TECRL: variants seen among roughly 807,000 people sequenced by gnomAD.
TECRL encodes the protein trans-2,3-enoyl-CoA reductase like.
In TECRL, 63 loss-of-function variants were observed where a neutral mutation model predicts 52.8. That is an observed-to-expected ratio of 1.19 (90% confidence interval 0.97 to 1.47). The LOEUF (loss-of-function observed/expected upper bound fraction) is 1.47, where lower values mean the gene tolerates loss of function less well. Among genes scored for constraint, TECRL ranks in the 40% most tolerant of loss-of-function variants. The pLI, the probability that TECRL is intolerant of heterozygous loss-of-function variation, is 0.00. For missense variants in TECRL, 482 were observed against 429.6 expected (o/e 1.12, Z -1.08); for synonymous variants, 164 against 141.9 (o/e 1.16, Z -1.10).
chr4:64,323,201 C>T (rs1718026437), intron 3 of TECRL, among the ~76,000 whole-genome samples: 1 of 151,786 alleles, frequency 6.6e-6, no homozygotes, highest in Non-Finnish European at 1.5e-5. Context: ...GGAGTTCCAT[C>T]TTGGTGACAT....
chr4:64,405,397 G>A (rs1420779350), intron 1 of TECRL, among the ~76,000 whole-genome samples: 1 of 152,106 alleles, frequency 6.6e-6, no homozygotes, highest in East Asian at 1.9e-4. Context: ...AAGATGGATT[G>A]TATGTGAGGT....
chr4:64,310,162 G>A (rs1341955714), intron 5 of TECRL, among the ~76,000 whole-genome samples: 2 of 152,106 alleles, frequency 1.3e-5, no homozygotes, highest in Non-Finnish European at 2.9e-5. Context: ...GATGACATTA[G>A]AAATATTTTA....
intron 9 of TECRL, among the ~76,000 whole-genome samples, chr4:64,283,533 C>T (rs4860587): frequency 0.97 from 147,130 of 152,102 alleles, 71,183 homozygotes; most frequent in East Asian, 1. Flanking sequence ...AATATTCTAT[C>T]TGGTCTAATA....
chr4:64,292,024 C>A (rs138886856), intron 8 of TECRL, among the ~76,000 whole-genome samples: 1 of 152,002 alleles, frequency 6.6e-6, no homozygotes, highest in African/African-American at 2.4e-5. Flanking sequence ...GCTTTTACAC[C>A]TTCAGGTGAA....
chr4:64,371,171 A>G (rs1721948011), intron 2 of TECRL, among the ~76,000 whole-genome samples: 1 of 151,594 alleles, frequency 6.6e-6, no homozygotes, highest in Non-Finnish European at 1.5e-5. Flanking sequence ...GTGAAAACAA[A>G]GCACTTTTAA....
chr4:64,312,946 T>C (rs1650398013), intron 5 of TECRL, among the ~76,000 whole-genome samples: 1 of 152,178 alleles, frequency 6.6e-6, no homozygotes, highest in Non-Finnish European at 1.5e-5. Flanking sequence ...TGGTCATTCC[T>C]TTCACTTACG....
intron 8 of TECRL, among the ~76,000 whole-genome samples, chr4:64,292,508 C>G (rs1165498486): frequency 6.6e-6 from 1 of 151,848 alleles, no homozygotes; most frequent in East Asian, 1.9e-4. Flanking sequence ...AGAAATAGTA[C>G]TTGAACACTA....
intron 2 of TECRL, among the ~76,000 whole-genome samples, chr4:64,338,191 C>T (rs1480695151): frequency 6.6e-6 from 1 of 152,134 alleles, no homozygotes; most frequent in Non-Finnish European, 1.5e-5. Flanking sequence ...AAAGGATTCC[C>T]TATTTAACAA....
At chr4:64,363,013 T>TG (rs1211359374) in intron 2 of TECRL, among the ~76,000 whole-genome samples, 3,196 of 141,568 alleles carry the variant, frequency 0.023, 111 homozygotes, top group African/African-American at 0.075. Flanking sequence ...ATCAGGCACA[T>TG]AAAAAAAAAA....
At position 64,279,855 on chromosome 4, in the gene TECRL, T is replaced by C; in HGVS notation, c.*217A>G. On this transcript the variant is annotated 3_prime_UTR_variant, in exon 12 of 12. Coordinates refer to ENST00000381210, the MANE Select transcript of TECRL (RefSeq NM_001010874.5). ...CAAGGACCAATCCCATGCAAATACATTCAGAGCTGTTCTTAGTTAATTGCA... is the reference window on the plus strand; with the variant it reads ...CAAGGACCAATCCCATGCAAATACACTCAGAGCTGTTCTTAGTTAATTGCA... 1 of 1,084,642 alleles carries C rather than the reference T, an allele frequency of 9.2e-7. No homozygotes were observed. Among genetic ancestry groups the C allele is most frequent in the Non-Finnish European group, 1.1e-6 (1 of 894,532 alleles). The allele number at this position is 1,084,642 out of a possible 1,614,324, so 67.2% of individuals were successfully genotyped here. A position where few individuals can be genotyped will look rare whatever the true frequency, so the allele number is the denominator to read the frequency against.
At chr4:64,305,574 T>C (rs1176035682) in intron 6 of TECRL, among the ~76,000 whole-genome samples, 1 of 152,122 alleles carries the variant, frequency 6.6e-6, no homozygotes, top group East Asian at 1.9e-4. Flanking sequence ...AAGAATTTCT[T>C]GTTATACCAA....
At chr4:64,292,874 T>G (rs1459699659) in intron 8 of TECRL, among the ~76,000 whole-genome samples, 1 of 152,044 alleles carries the variant, frequency 6.6e-6, no homozygotes, top group African/African-American at 2.4e-5. Flanking sequence ...CCATAATTAG[T>G]AAAAAATCCA....
chr4:64,322,605 G>C, intron 4 of TECRL, 84 bp downstream of exon 4: 2 of 950,232 alleles, frequency 2.1e-6, no homozygotes. Flanking sequence ...TTCGCTATGA[G>C]TTTATTTGAT....
intron 6 of TECRL, among the ~76,000 whole-genome samples, chr4:64,307,453 C>T (rs1724406970): frequency 6.6e-6 from 1 of 152,120 alleles, no homozygotes; most frequent in Non-Finnish European, 1.5e-5. Flanking sequence ...ATAAAGGTTG[C>T]TGGGACCCAG....
intron 8 of TECRL, among the ~76,000 whole-genome samples, chr4:64,295,641 A>G (rs1240295188): frequency 6.6e-6 from 1 of 151,758 alleles, no homozygotes; most frequent in Non-Finnish European, 1.5e-5. Flanking sequence ...ATGTTTGAAA[A>G]CATTCATGAT....
chr4:64,386,593 A>G (rs1024213546), intron 1 of TECRL, among the ~76,000 whole-genome samples: 1 of 152,150 alleles, frequency 6.6e-6, no homozygotes, highest in African/African-American at 2.4e-5. Context: ...TTTGCTTATT[A>G]GAGGATTTAT....
At chr4:64,391,219 G>T (rs1577982029) in intron 1 of TECRL, among the ~76,000 whole-genome samples, 2 of 151,826 alleles carry the variant, frequency 1.3e-5, no homozygotes, top group East Asian at 1.9e-4. Flanking sequence ...AACCATGACG[G>T]TTCAACACAT....
intron 1 of TECRL, among the ~76,000 whole-genome samples, chr4:64,395,205 C>A (rs770172924): frequency 5.3e-5 from 8 of 151,986 alleles, no homozygotes; most frequent in Non-Finnish European, 1.0e-4. Context: ...CAGACGTAAG[C>A]CACCGCTCCC....
intron 2 of TECRL, among the ~76,000 whole-genome samples, chr4:64,356,573 C>T (rs1020397781): frequency 1.2e-4 from 18 of 152,140 alleles, no homozygotes; most frequent in Non-Finnish European, 2.5e-4. Flanking sequence ...CATAGTACCT[C>T]CCCTTGAACT....
Sources: gnomAD v4.1 joint callset for allele counts (sites outside exome capture counted in the v4.1 genomes callset) on GRCh38, gnomAD v4.1.1 for gene constraint, MANE v1.5 for transcripts, NCBI Gene and HGNC (gene_info 2026-07-23, HGNC 2026-07-21) for gene names.